MCOLN2: variants seen among roughly 807,000 people sequenced by gnomAD.
The protein encoded by MCOLN2 is mucolipin-2.
Under a neutral mutation model 67.5 loss-of-function variants are expected in MCOLN2, and 57 were observed. The ratio of observed to expected loss-of-function variants is 0.84; its 90% confidence interval spans 0.68 to 1.05. MCOLN2 has a LOEUF of 1.05. Ranked by LOEUF, MCOLN2 falls within the 50% of genes least tolerant of loss-of-function variation. The pLI, the probability that MCOLN2 is intolerant of heterozygous loss-of-function variation, is 0.00. For synonymous variants in MCOLN2, 246 were observed against 233.3 expected, an observed-to-expected ratio of 1.05 and a Z score of -0.50; for missense variants, 620 against 678.8, an observed-to-expected ratio of 0.91 and a Z score of 0.96.
intron 1 of MCOLN2, among the ~76,000 whole-genome samples, chr1:84,986,000 A>G (rs1365812345): frequency 6.6e-6 from 1 of 152,250 alleles, no homozygotes; most frequent in African/African-American, 2.4e-5. Context: ...GACTAAGCAA[A>G]AAGAACAAAT....
chr1:84,952,145 T>C, intron 6 of MCOLN2, 98 bp downstream of exon 6: 2 of 745,666 alleles, frequency 2.7e-6, no homozygotes, highest in Admixed American at 5.3e-5. Context: ...CATGACTGCA[T>C]TTAACACATC....
chr1:84,971,548 T>C (rs1050890929), intron 1 of MCOLN2, among the ~76,000 whole-genome samples: 9 of 146,820 alleles, frequency 6.1e-5, no homozygotes, highest in Non-Finnish European at 1.2e-4. Context: ...ACACACACGA[T>C]ATCTTATTGC....
intron 1 of MCOLN2, among the ~76,000 whole-genome samples, chr1:84,974,217 C>T (rs115936740): frequency 0.014 from 2,065 of 152,152 alleles, 49 homozygotes; most frequent in African/African-American, 0.048. Flanking sequence ...GCAATTTAGG[C>T]CACAAGGACT....
intron 3 of MCOLN2, among the ~76,000 whole-genome samples, chr1:84,957,291 T>C (rs1648845556): frequency 6.6e-6 from 1 of 152,174 alleles, no homozygotes; most frequent in Non-Finnish European, 1.5e-5. Flanking sequence ...CTTACATCAA[T>C]GACTAACATG....
intron 2 of MCOLN2, among the ~76,000 whole-genome samples, chr1:84,960,284 T>C (rs866781711): frequency 1.3e-5 from 2 of 152,332 alleles, no homozygotes; most frequent in South Asian, 2.1e-4. Flanking sequence ...CCATTTTACA[T>C]ACGTGCAACC....
Position 84,958,683 on chromosome 1 carries a change from C to A in MCOLN2, c.257G>T (p.Ser86Ile). The A allele has an allele frequency of 6.3e-7, 1 of 1,578,418 alleles. No individual in the cohort carries two copies. Among genetic ancestry groups the A allele is most frequent in the Non-Finnish European group, 8.6e-7 (1 of 1,167,822 alleles). ...VTTQLVRFGL[S>I]NQLVVAFKED... is the part of the protein sequence containing the mutation. ...TTTGAAAGCAACCACCAGCTGGTTACTTAAACCAAAACGAACAAGCTAAAA... is the reference window on the plus strand; with the variant it reads ...TTTGAAAGCAACCACCAGCTGGTTAATTAAACCAAAACGAACAAGCTAAAA... The change falls in exon 3 of 14, where the codon AGT becomes ATT. Residue 86 changes from serine to isoleucine, a missense_variant. Ser to Ile is a moderately radical substitution (Grantham distance 142, BLOSUM62 -2). Transcript: ENST00000370608.
chr1:84,928,225 T>C (rs556969463), intron 13 of MCOLN2, among the ~76,000 whole-genome samples: 197 of 152,336 alleles, frequency 1.3e-3, no homozygotes, highest in African/African-American at 4.7e-3. Flanking sequence ...GTTGATCTCC[T>C]TGGTGGGCTC....
chr1:84,975,135 C>A (rs1014877641), intron 1 of MCOLN2, among the ~76,000 whole-genome samples: 27 of 152,192 alleles, frequency 1.8e-4, no homozygotes, highest in Non-Finnish European at 1.5e-5. Context: ...GGGAAGAACA[C>A]AGGCCTGGTT....
chr1:84,930,684 A>C (rs1418327059), intron 12 of MCOLN2, among the ~76,000 whole-genome samples: 1 of 152,160 alleles, frequency 6.6e-6, no homozygotes, highest in African/African-American at 2.4e-5. Context: ...TATTCTGAGA[A>C]AGTGGTTAAG....
chr1:84,938,482 A>G (rs1647564478), intron 9 of MCOLN2, among the ~76,000 whole-genome samples: 2 of 152,254 alleles, frequency 1.3e-5, no homozygotes, highest in Admixed American at 1.3e-4. Context: ...AAACTCCAGC[A>G]TGATTTCCTA....
chr1:84,947,932 C>A (rs553874575), intron 6 of MCOLN2, among the ~76,000 whole-genome samples: 10 of 152,252 alleles, frequency 6.6e-5, no homozygotes, highest in Non-Finnish European at 1.5e-4. Flanking sequence ...TGCAGCACCC[C>A]TTCCTGCCCC....
In MCOLN2 at chr1:84,970,707, G is replaced by C. The variant is rs115878538; in HGVS notation, c.78-4999C>G. 2.7e-3 allele frequency among the ~76,000 whole-genome samples: 413 copies of C among 152,052 alleles called. 3 individuals carry two copies. Among genetic ancestry groups the C allele is most frequent in the African/African-American group, 9.4e-3 (389 of 41,488 alleles). On this transcript the variant is annotated intron_variant, in intron 1 of 13. Coordinates refer to ENST00000370608, the MANE Select transcript of MCOLN2 (RefSeq NM_153259.4). ...CATAAATAAATAAATATAAATAAAA[G>C]AATACCTTGTGAGCCATGCTCTGCT...
At chr1:84,928,278 C>G (rs1358185808) in intron 13 of MCOLN2, among the ~76,000 whole-genome samples, 1 of 152,122 alleles carries the variant, frequency 6.6e-6, no homozygotes, top group African/African-American at 2.4e-5. Context: ...AGGGGCAGAC[C>G]CTCCGTCTCA....
chr1:84,968,046 A>T (rs1384387382), intron 1 of MCOLN2, among the ~76,000 whole-genome samples: 1 of 152,180 alleles, frequency 6.6e-6, no homozygotes, highest in Non-Finnish European at 1.5e-5. Flanking sequence ...AGTTGCCACC[A>T]TTCAAGTACA....
At chr1:84,953,680 G>C (rs1648629611) in intron 4 of MCOLN2, among the ~76,000 whole-genome samples, 1 of 151,654 alleles carries the variant, frequency 6.6e-6, no homozygotes. Flanking sequence ...GAAAGAAAAA[G>C]AACACAGGTT....
In MCOLN2 at chr1:84,940,901, A is replaced by C; in HGVS notation, c.938T>G (p.Val313Gly). The change falls in exon 8 of 14, where the codon GTT becomes GGT. Residue 313 changes from valine to glycine, a missense_variant. Val to Gly is a moderately radical substitution (Grantham distance 109). Coordinates refer to ENST00000370608, the MANE Select transcript of MCOLN2 (RefSeq NM_153259.4). ...ASLILCTRSI[V>G]LALRLRKRFL... ...TACCTTCCGTAACCTTAGAGCAAGA[A>C]CAATGGATCTTGTACACAGAATAAG... 5.0e-6 allele frequency: 8 copies of C among 1,613,016 alleles called. No homozygotes were observed. The highest frequency in any genetic ancestry group is 6.8e-6 in the Non-Finnish European group (8 of 1,179,298).
chr1:84,954,356 G>A (rs763868399), intron 4 of MCOLN2, among the ~76,000 whole-genome samples: 4 of 152,354 alleles, frequency 2.6e-5, no homozygotes, highest in Non-Finnish European at 4.4e-5. Context: ...TTAGTACAGT[G>A]AGGGAAGTTG....
At chr1:84,959,179 C>A (rs1264220504) in intron 2 of MCOLN2, among the ~76,000 whole-genome samples, 1 of 152,078 alleles carries the variant, frequency 6.6e-6, no homozygotes, top group Non-Finnish European at 1.5e-5. Context: ...AAACTTACTC[C>A]AGCTAGGAGG....
At position 84,996,931 on chromosome 1, in the gene MCOLN2, C is replaced by A. The variant is rs940099646; in HGVS notation, c.-59G>T. 1.3e-5 allele frequency: 19 copies of A among 1,471,812 alleles called. No homozygotes were observed. In the African/African-American group the frequency reaches 2.0e-4, roughly 15 times the overall value. The allele number at this position is 1,471,812 out of a possible 1,614,324, so 91.2% of individuals were successfully genotyped here. A position where few individuals can be genotyped will look rare whatever the true frequency, so the allele number is the denominator to read the frequency against. On this transcript the variant is annotated 5_prime_UTR_variant, in exon 1 of 14. Transcript: ENST00000370608. ...GATTCGGAACAGGAAACACCGTTCA[C>A]GGCCGACTCATTTCGCCCTCGCCGT...
Sources: gnomAD v4.1 joint callset for allele counts (sites outside exome capture counted in the v4.1 genomes callset) on GRCh38, gnomAD v4.1.1 for gene constraint, MANE v1.5 for transcripts, NCBI Gene and HGNC (gene_info 2026-07-23, HGNC 2026-07-21) for gene names.